Variants in TOP2B observed in about 807,000 individuals in gnomAD.
The protein encoded by TOP2B is DNA topoisomerase II beta.
TOP2B carries 51 observed loss-of-function variants against 193.5 expected under a neutral mutation model. The ratio of observed to expected loss-of-function variants is 0.26; its 90% CI spans 0.21 to 0.33. The LOEUF (loss-of-function observed/expected upper bound fraction) is 0.33, where lower values mean the gene tolerates loss of function less well. Ranked by LOEUF, TOP2B falls within the 10% of genes least tolerant of loss-of-function variation. The pLI is 1.00. For synonymous variants in TOP2B, 634 were observed against 635.7 expected (o/e 1.00, Z 0.04); for missense variants, 1,378 against 1,909.3 (o/e 0.72, Z 5.19).
Position 25,664,388 on chromosome 3 carries a change from G to A in TOP2B, c.-91C>T. 2.2e-6 allele frequency: 3 copies of A among 1,344,378 alleles called. No homozygotes were observed. Among genetic ancestry groups the A allele is most frequent in the Non-Finnish European group, 2.8e-6 (3 of 1,058,190 alleles). 83.3% of individuals were successfully genotyped at this position (1,344,378 alleles called of 1,614,324 possible). On this transcript the variant is annotated 5_prime_UTR_variant, in exon 1 of 36. Coordinates refer to ENST00000264331, the MANE Select transcript of TOP2B (RefSeq NM_001330700.2). ...TGGGCCCCGCCGCTCCGCACCCACCGCTCCACTCGCCGCACTCCTAGCCGC... is the reference window on the plus strand; with the variant it reads ...TGGGCCCCGCCGCTCCGCACCCACCACTCCACTCGCCGCACTCCTAGCCGC...
chr3:25,601,108 G>A lies in TOP2B; in HGVS notation c.4607C>T (p.Thr1536Ile), dbSNP rs1433868032. Reference sequence around the variant, plus strand: ...AAGAAGATAATCCTCACCTTTTGGTGTTGTAGTCTTCTTTGGAATGCCAAA... The same window carrying A: ...AAGAAGATAATCCTCACCTTTTGGTATTGTAGTCTTCTTTGGAATGCCAAA... ...SEFGIPKKTT[T>I]PKGKGRGAKK... is the part of the protein sequence containing the mutation. The change falls in exon 34 of 36, where the codon ACA becomes ATA. Residue 1536 changes from threonine (T) to isoleucine (I), a missense_variant. Transcript: ENST00000264331. 6.2e-7 allele frequency: 1 copy of A among 1,613,548 alleles called. No homozygotes were observed.
chr3:25,609,721 TA>T lies in TOP2B; in HGVS notation c.3787-10del, dbSNP rs530786141. On this transcript the variant is annotated splice_polypyrimidine_tract_variant and intron_variant, in intron 28 of 35. Coordinates refer to ENST00000264331, the MANE Select transcript of TOP2B (RefSeq NM_001330700.2). Reference sequence around the variant, plus strand: ...GCAGTATCAAGATCACCCTACATAATAAAAAGAAAATCAAGCCACGAGTAAA... The same window carrying T: ...GCAGTATCAAGATCACCCTACATAATAAAAGAAAATCAAGCCACGAGTAAA... 8.8e-5 allele frequency: 125 copies of T among 1,424,876 alleles called. No individual in the cohort carries two copies. The African/African-American group carries it at 1.8e-3, about 20-fold the overall frequency. 88.3% of individuals were successfully genotyped at this position (1,424,876 alleles called of 1,614,324 possible).
intron 27 of TOP2B, 109 bp from the exon 28 acceptor site, chr3:25,612,818 C>T (rs1445515092): frequency 1.3e-6 from 1 of 793,018 alleles, no homozygotes; most frequent in Non-Finnish European, 2.0e-6. Context: ...AAGAATAAAG[C>T]TTTCCTTTTA....
intron 1 of TOP2B, among the ~76,000 whole-genome samples, chr3:25,653,579 G>A (rs1324583846): frequency 6.6e-6 from 1 of 151,868 alleles, no homozygotes; most frequent in Non-Finnish European, 1.5e-5. Context: ...ACAACTGTGT[G>A]CCTCCACACC....
Position 25,652,081 on chromosome 3 carries a change from A to C in TOP2B, c.70-6611T>G, listed in dbSNP as rs1445087115. Among the ~76,000 whole-genome samples, 3 of 152,240 alleles carry C rather than the reference A, an allele frequency of 2.0e-5. No individual in the cohort carries two copies. In the East Asian group the frequency reaches 5.8e-4, roughly 29 times the overall value. On this transcript the variant is annotated intron_variant, in intron 1 of 35. Coordinates refer to ENST00000264331, the MANE Select transcript of TOP2B (RefSeq NM_001330700.2). Reference sequence around the variant, plus strand: ...ATCAGACAACATAGAGTTTAAGATAAAAACTGTCACAAGAGACAGAGTAGG... The same window carrying C: ...ATCAGACAACATAGAGTTTAAGATACAAACTGTCACAAGAGACAGAGTAGG...
intron 10 of TOP2B, 67 bp downstream of exon 10, chr3:25,632,374 ATAAAG>A (rs1702985762): frequency 7.6e-7 from 1 of 1,319,190 alleles, no homozygotes; most frequent in Non-Finnish European, 1.0e-6. Context: ...CTAATCACAA[ATAAAG>A]TAAATCAAGA....
chr3:25,604,646 ACTT>A (rs1378222414), intron 33 of TOP2B, 111 bp downstream of exon 33: 6 of 852,834 alleles, frequency 7.0e-6, no homozygotes, highest in Admixed American at 2.9e-5. Context: ...AAGCACTTAT[ACTT>A]CTTAATTGTT....
In TOP2B at chr3:25,645,004, G is replaced by T. The variant is rs535962382; in HGVS notation, c.240+296C>A. 2.6e-3 allele frequency among the ~76,000 whole-genome samples: 391 copies of T among 151,450 alleles called. 5 individuals carry two copies. The Middle Eastern group carries it at 0.027, about 11-fold the overall frequency. On this transcript the variant is annotated intron_variant, in intron 2 of 35. Coordinates refer to ENST00000264331, the MANE Select transcript of TOP2B (RefSeq NM_001330700.2). ...TTTTTGTATTTTTATTAGAGACAGA[G>T]TTTCACCATGTTAGCCAGGATGGTT...
intron 30 of TOP2B, among the ~76,000 whole-genome samples, chr3:25,608,813 G>T (rs1340047222): frequency 2.0e-5 from 3 of 152,126 alleles, no homozygotes; most frequent in African/African-American, 7.2e-5. Flanking sequence ...TTTAAAGCGG[G>T]AGGAAATTTT....
chr3:25,649,438 C>T (rs1703515366), intron 1 of TOP2B, among the ~76,000 whole-genome samples: 1 of 151,926 alleles, frequency 6.6e-6, no homozygotes, highest in African/African-American at 2.4e-5. Context: ...TACACCAAGA[C>T]ACATCATAAT....
At chr3:25,635,730 A>G (rs1325314381) in intron 7 of TOP2B, among the ~76,000 whole-genome samples, 1 of 152,118 alleles carries the variant, frequency 6.6e-6, no homozygotes, top group Non-Finnish European at 1.5e-5. Flanking sequence ...AATGTAACAT[A>G]TATATAACCA....
intron 35 of TOP2B, among the ~76,000 whole-genome samples, chr3:25,598,796 G>A (rs567968115): frequency 6.6e-6 from 1 of 152,204 alleles, no homozygotes; most frequent in South Asian, 2.1e-4. Context: ...AATTCAAGCT[G>A]TCCTACTGGT....
At chr3:25,607,002 A>C (rs1379223473) in intron 31 of TOP2B, among the ~76,000 whole-genome samples, 169 bp downstream of exon 31, 1 of 152,182 alleles carries the variant, frequency 6.6e-6, no homozygotes, top group East Asian at 1.9e-4. Flanking sequence ...TCCTTCCTTT[A>C]AACTACAGCA....
At chr3:25,645,161 A>T in intron 2 of TOP2B, 139 bp downstream of exon 2, 1 of 808,956 alleles carries the variant, frequency 1.2e-6, no homozygotes, top group Non-Finnish European at 1.9e-6. Flanking sequence ...TTCTACTTCT[A>T]GATCTTTCAC....
At chr3:25,604,023 G>A (rs1881708) in intron 33 of TOP2B, among the ~76,000 whole-genome samples, 55,449 of 151,984 alleles carry the variant, frequency 0.36, 10,855 homozygotes, top group African/African-American at 0.51. Context: ...TAAATAACCA[G>A]TTTCTCAATA....
intron 33 of TOP2B, among the ~76,000 whole-genome samples, chr3:25,603,278 G>A (rs552635380): frequency 3.3e-5 from 5 of 152,140 alleles, no homozygotes; most frequent in East Asian, 3.9e-4. Context: ...TCACTCTACC[G>A]TCCAGGCTGG....
At chr3:25,620,643 A>C (rs776246460) in intron 22 of TOP2B, 39 bp downstream of exon 22, 2 of 1,589,972 alleles carry the variant, frequency 1.3e-6, no homozygotes, top group Non-Finnish European at 1.7e-6. Flanking sequence ...TGCTTAATAC[A>C]CTGCCCTTCC....
Position 25,664,101 on chromosome 3 carries a change from G to A in TOP2B, c.69+128C>T, listed in dbSNP as rs1415410675. 1.9e-5 allele frequency: 26 copies of A among 1,346,840 alleles called. No homozygotes were observed. The Middle Eastern group carries it at 7.7e-4, about 40-fold the overall frequency. 83.4% of individuals were successfully genotyped at this position (1,346,840 alleles called of 1,614,324 possible). Reference sequence around the variant, plus strand: ...GGGCTGGAGGATTCTGCAAGCACAGGCCCCTATGGAGCGCCCGTTCGGGGG... The same window carrying A: ...GGGCTGGAGGATTCTGCAAGCACAGACCCCTATGGAGCGCCCGTTCGGGGG... On this transcript the variant is annotated intron_variant, in intron 1 of 35. Transcript: ENST00000264331.
chr3:25,631,913 A>G (rs1031214113), intron 10 of TOP2B, among the ~76,000 whole-genome samples: 3 of 152,044 alleles, frequency 2.0e-5, no homozygotes, highest in African/African-American at 7.2e-5. Flanking sequence ...GCATTTCCCC[A>G]CCAAAATTCC....
Sources: allele counts gnomAD v4.1 joint callset (sites outside exome capture counted in the v4.1 genomes callset), GRCh38; gene constraint gnomAD v4.1.1; transcripts MANE v1.5; gene names NCBI Gene and HGNC (gene_info 2026-07-23, HGNC 2026-07-21).